The following NELL1 variants were observed in gnomAD, a reference collection of about 807,000 sequenced individuals.
NELL1 encodes the protein neural EGFL like 1.
NELL1 carries 76 observed loss-of-function variants against 107.4 expected under a neutral mutation model. That is an observed-to-expected ratio of 0.71 (90% confidence interval 0.59 to 0.86). NELL1 has a LOEUF of 0.86. NELL1 is among the 40% of genes least tolerant of loss of function. The probability of loss-of-function intolerance (pLI) is 0.00; values close to 1 mark genes in which losing one functional copy is unlikely to be tolerated. For synonymous variants in NELL1, 353 were observed against 341.2 expected, an observed-to-expected ratio of 1.03 and a Z score of -0.38; for missense variants, 1,024 against 1,005.5, an observed-to-expected ratio of 1.02 and a Z score of -0.25.
At chr11:21,243,992 G>A (rs1858428526) in intron 14 of NELL1, among the ~76,000 whole-genome samples, 2 of 152,218 alleles carry the variant, frequency 1.3e-5, no homozygotes, top group South Asian at 4.2e-4. Context: ...TTGGTGGGAT[G>A]CAACATTGTA....
chr11:21,125,306 C>G (rs1040328760), intron 13 of NELL1, among the ~76,000 whole-genome samples: 1 of 152,146 alleles, frequency 6.6e-6, no homozygotes, highest in Non-Finnish European at 1.5e-5. Flanking sequence ...GGTCTTCCCC[C>G]TACCACCAGC....
intron 15 of NELL1, among the ~76,000 whole-genome samples, chr11:21,532,120 C>CAA (rs1702765463): frequency 1.3e-5 from 2 of 152,174 alleles, no homozygotes; most frequent in Non-Finnish European, 2.9e-5. Flanking sequence ...CAGTGAGTTT[C>CAA]TGGAATCGTC....
intron 16 of NELL1, among the ~76,000 whole-genome samples, chr11:21,547,121 C>T (rs925929148): frequency 6.6e-6 from 1 of 150,932 alleles, no homozygotes; most frequent in African/African-American, 2.5e-5. Context: ...ATAAAAGACT[C>T]TAAGAAAAAA....
At chr11:21,470,298 G>C (rs1053788796) in intron 15 of NELL1, among the ~76,000 whole-genome samples, 1 of 151,928 alleles carries the variant, frequency 6.6e-6, no homozygotes, top group East Asian at 1.9e-4. Context: ...GCTTAGACTC[G>C]AGAGAGCAAA....
intron 14 of NELL1, among the ~76,000 whole-genome samples, chr11:21,275,721 C>A (rs1848840823): frequency 1.3e-5 from 2 of 152,216 alleles, no homozygotes; most frequent in African/African-American, 4.8e-5. Flanking sequence ...TGGGCTTCAT[C>A]TCTGGGATGC....
chr11:20,869,065 C>T (rs1028771605), intron 4 of NELL1, among the ~76,000 whole-genome samples: 1 of 152,122 alleles, frequency 6.6e-6, no homozygotes, highest in African/African-American at 2.4e-5. Flanking sequence ...GTATATGAAA[C>T]TTTTGGGAAT....
At chr11:21,322,655 T>A (rs1370646878) in intron 14 of NELL1, among the ~76,000 whole-genome samples, 3 of 152,144 alleles carry the variant, frequency 2.0e-5, no homozygotes, top group Admixed American at 6.6e-5. Flanking sequence ...TTGACTGTGA[T>A]CCAATAAATT....
chr11:21,065,690 A>G lies in NELL1; in HGVS notation c.1301-47899A>G, dbSNP rs181602986. Among the ~76,000 whole-genome samples the G allele has an allele frequency of 2.2e-3, 334 of 152,290 alleles. 3 individuals are homozygous for G. Among genetic ancestry groups the G allele is most frequent in the Admixed American group, 0.021 (318 of 15,292 alleles). On this transcript the variant is annotated intron_variant, in intron 12 of 19. Transcript: ENST00000357134. ...TTCTAAGGGGACACTGCTCATTTTA[A>G]CTCTGAATTCACTTTTAGTTACTAT...
intron 19 of NELL1, among the ~76,000 whole-genome samples, chr11:21,574,108 C>A (rs1857167674): frequency 6.6e-6 from 1 of 151,758 alleles, no homozygotes; most frequent in Admixed American, 6.6e-5. Flanking sequence ...TAGTTAGTGT[C>A]AAATATCTGC....
chr11:20,806,351 A>G (rs1564916509), intron 3 of NELL1, among the ~76,000 whole-genome samples: 1 of 151,930 alleles, frequency 6.6e-6, no homozygotes, highest in South Asian at 2.1e-4. Context: ...CACTTTAAAT[A>G]TGTCATACTT....
intron 12 of NELL1, among the ~76,000 whole-genome samples, chr11:20,975,865 TTA>T (rs1451601207): frequency 2.3e-5 from 3 of 128,916 alleles, no homozygotes; most frequent in Non-Finnish European, 5.0e-5. Flanking sequence ...TATATGTGTA[TTA>T]TATATACACA....
intron 13 of NELL1, among the ~76,000 whole-genome samples, chr11:21,158,184 A>T (rs990084077): frequency 6.6e-6 from 1 of 152,104 alleles, no homozygotes; most frequent in Non-Finnish European, 1.5e-5. Context: ...GACTTCCACT[A>T]TTGTTTAGCC....
At chr11:21,248,663 C>G (rs1017427442) in intron 14 of NELL1, among the ~76,000 whole-genome samples, 2 of 152,252 alleles carry the variant, frequency 1.3e-5, no homozygotes, top group East Asian at 3.9e-4. Flanking sequence ...TGCCACCCAG[C>G]GTTCTTTTAC....
At chr11:21,093,513 G>A (rs976555326) in intron 12 of NELL1, among the ~76,000 whole-genome samples, 9 of 152,106 alleles carry the variant, frequency 5.9e-5, no homozygotes, top group African/African-American at 1.7e-4. Flanking sequence ...CCTCTCCTGA[G>A]CCTCCTGTAG....
At position 20,780,450 on chromosome 11, in the gene NELL1, T is replaced by C. The variant is rs528871169; in HGVS notation, c.185-3230T>C. Among the ~76,000 whole-genome samples the C allele has an allele frequency of 2.1e-4, 32 of 152,316 alleles. No homozygotes were observed. In the South Asian group the frequency reaches 6.2e-3, roughly 30 times the overall value. The stretch of plus-strand genomic sequence containing the variant: ...AATAAATGGAAAATACATTAATTAA[T>C]TCAGTAAACCTTTATTGGATGCCTG... On this transcript the variant is annotated intron_variant, in intron 2 of 19. Transcript: ENST00000357134.
chr11:21,459,524 G>T (rs1010288678), intron 15 of NELL1, among the ~76,000 whole-genome samples: 17 of 151,946 alleles, frequency 1.1e-4, no homozygotes, highest in African/African-American at 3.6e-4. Flanking sequence ...TGGGTCAGGG[G>T]CATAGTGAGA....
intron 4 of NELL1, among the ~76,000 whole-genome samples, chr11:20,863,870 C>T (rs1849042158): frequency 6.6e-6 from 1 of 152,198 alleles, no homozygotes; most frequent in Non-Finnish European, 1.5e-5. Flanking sequence ...CCTCAGGAGG[C>T]GGAAGCTGGC....
At chr11:21,355,672 A>G (rs546642834) in intron 14 of NELL1, among the ~76,000 whole-genome samples, 1 of 152,322 alleles carries the variant, frequency 6.6e-6, no homozygotes, top group East Asian at 1.9e-4. Flanking sequence ...TTAGGATTAA[A>G]TACTCCTCAC....
chr11:20,682,616 T>G (rs773279798), intron 2 of NELL1, among the ~76,000 whole-genome samples: 1 of 152,074 alleles, frequency 6.6e-6, no homozygotes, highest in Non-Finnish European at 1.5e-5. Flanking sequence ...AACTGTGTAT[T>G]CAAAATATAC....
Sources: allele counts gnomAD v4.1 joint callset (sites outside exome capture counted in the v4.1 genomes callset), GRCh38; gene constraint gnomAD v4.1.1; transcripts MANE v1.5; gene names NCBI Gene and HGNC (gene_info 2026-07-23, HGNC 2026-07-21).